The following SH3RF2 variants were observed in gnomAD, a reference collection of about 807,000 sequenced individuals.
SH3RF2 encodes the protein SH3 domain containing ring finger 2.
SH3RF2 carries 43 observed loss-of-function variants against 59.0 expected under a neutral mutation model. That is an observed-to-expected ratio of 0.73 (90% CI 0.57 to 0.94). SH3RF2 has a LOEUF of 0.94. SH3RF2 is among the 40% of genes least tolerant of loss of function. The pLI is 0.00. For missense variants in SH3RF2, 930 were observed against 940.1 expected (o/e 0.99, Z 0.14); for synonymous variants, 391 against 391.5 (o/e 1.00, Z 0.01).
chr5:146,003,971 C>A, intron 3 of SH3RF2, 87 bp from the exon 4 acceptor site: 4 of 1,059,276 alleles, frequency 3.8e-6, no homozygotes, highest in South Asian at 3.0e-5. Context: ...CACTTTACAC[C>A]ATCTGAGACT....
chr5:146,002,046 C>G (rs1261713930), intron 3 of SH3RF2, among the ~76,000 whole-genome samples: 1 of 152,162 alleles, frequency 6.6e-6, no homozygotes, highest in Non-Finnish European at 1.5e-5. Context: ...TATTGGCTGA[C>G]TACTAAAAGG....
intron 2 of SH3RF2, among the ~76,000 whole-genome samples, chr5:145,988,704 C>T (rs1162122090): frequency 3.3e-5 from 5 of 152,092 alleles, no homozygotes; most frequent in South Asian, 4.2e-4. Context: ...ATCTGAATGT[C>T]GGATTTAGGG....
chr5:145,960,138 C>T (rs1758577906), intron 2 of SH3RF2, among the ~76,000 whole-genome samples: 1 of 152,194 alleles, frequency 6.6e-6, no homozygotes, highest in African/African-American at 2.4e-5. Flanking sequence ...CTGCAGCCTC[C>T]AGCTCCTGGG....
At chr5:146,054,200 C>T (rs248779) in intron 7 of SH3RF2, among the ~76,000 whole-genome samples, 42,713 of 152,048 alleles carry the variant, frequency 0.28, 7,595 homozygotes, top group Non-Finnish European at 0.38. Flanking sequence ...CATAGAGGCA[C>T]TCAGTGTTGG....
chr5:146,070,330 G>T (rs553827474), intron 9 of SH3RF2, among the ~76,000 whole-genome samples: 1 of 152,284 alleles, frequency 6.6e-6, no homozygotes, highest in South Asian at 2.1e-4. Flanking sequence ...AGGAGGGTTT[G>T]TCTCACAGGG....
At chr5:145,958,465 C>G (rs748626557) in intron 2 of SH3RF2, among the ~76,000 whole-genome samples, 18 of 152,180 alleles carry the variant, frequency 1.2e-4, no homozygotes, top group Admixed American at 3.9e-4. Flanking sequence ...TCTCATGACT[C>G]TGCTTGAGGC....
chr5:145,965,572 CA>C (rs1438195859), intron 2 of SH3RF2, among the ~76,000 whole-genome samples: 17 of 152,232 alleles, frequency 1.1e-4, no homozygotes, highest in Non-Finnish European at 2.4e-4. Flanking sequence ...GCCTTTTGCA[CA>C]GAGAGTATTA....
rs1371009003 is a variant in SH3RF2, at chr5:146,017,274, A to G, written c.1059+3213A>G. ...GGAGGAAGTTAAGTGGGTGGATTGA[A>G]ACCAATGCAGCTGGCCTCTGGGAGA... On this transcript the variant is annotated intron_variant, in intron 5 of 9. Coordinates refer to ENST00000359120, the MANE Select transcript of SH3RF2 (RefSeq NM_152550.4). Among the ~76,000 whole-genome samples, 7 of 152,194 alleles carry G rather than the reference A, an allele frequency of 4.6e-5. No homozygotes were observed. In the East Asian group the frequency reaches 1.3e-3, roughly 29 times the overall value.
chr5:145,972,824 C>A (rs192876973), intron 2 of SH3RF2, among the ~76,000 whole-genome samples: 4 of 152,202 alleles, frequency 2.6e-5, no homozygotes, highest in Admixed American at 1.3e-4. Context: ...CCTTGTAGAG[C>A]TGGGCTGGCA....
chr5:146,075,979 T>A lies in SH3RF2; in HGVS notation c.*34-2481T>A, dbSNP rs145103107. On this transcript the variant is annotated intron_variant, in intron 9 of 9. Coordinates refer to the SH3RF2 transcript ENST00000511217. ...GCTAATAAGGGCTGCTACTTCATAC[T>A]GCACAATGCCTGCCTAGGAAAAGTC... Among the ~76,000 whole-genome samples, 173 of 152,256 alleles carry A rather than the reference T, an allele frequency of 1.1e-3. 1 individual carries two copies. The highest frequency in any genetic ancestry group is 0.01 in the Middle Eastern group (3 of 294).
At chr5:146,054,486 G>A (rs1038698037) in intron 7 of SH3RF2, among the ~76,000 whole-genome samples, 3 of 152,178 alleles carry the variant, frequency 2.0e-5, no homozygotes, top group Non-Finnish European at 4.4e-5. Flanking sequence ...CTCTGGCATG[G>A]AAGCCAATGC....
intron 9 of SH3RF2, among the ~76,000 whole-genome samples, chr5:146,077,183 C>T (rs571016452): frequency 7.2e-5 from 11 of 152,178 alleles, no homozygotes; most frequent in African/African-American, 2.2e-4. Context: ...AATCAAACCA[C>T]CTGCCCTCCC....
At chr5:145,981,839 A>T (rs191049919) in intron 2 of SH3RF2, among the ~76,000 whole-genome samples, 2 of 152,320 alleles carry the variant, frequency 1.3e-5, no homozygotes, top group Non-Finnish European at 2.9e-5. Flanking sequence ...ATAGAATAGC[A>T]CATTTCCACC....
intron 2 of SH3RF2, among the ~76,000 whole-genome samples, chr5:145,980,084 T>C (rs1363015265): frequency 6.6e-6 from 1 of 152,168 alleles, no homozygotes; most frequent in East Asian, 1.9e-4. Context: ...ACTTTGGAAG[T>C]AGGGATGAAC....
intron 3 of SH3RF2, among the ~76,000 whole-genome samples, chr5:146,003,339 C>G (rs1177527392): frequency 6.6e-6 from 1 of 152,158 alleles, no homozygotes; most frequent in South Asian, 2.1e-4. Context: ...TTCATCTGAA[C>G]AGGGATTTCA....
At chr5:146,007,233 A>G (rs1186260320) in intron 4 of SH3RF2, among the ~76,000 whole-genome samples, 1 of 152,212 alleles carries the variant, frequency 6.6e-6, no homozygotes, top group African/African-American at 2.4e-5. Context: ...GAGGAGGGAG[A>G]AAAAAGCAGA....
chr5:145,973,961 C>T (rs1332445089), intron 2 of SH3RF2, among the ~76,000 whole-genome samples: 3 of 152,208 alleles, frequency 2.0e-5, no homozygotes, highest in Non-Finnish European at 4.4e-5. Context: ...CACTTATTAT[C>T]TCACAGGTTC....
chr5:145,982,041 C>T (rs1455812575), intron 2 of SH3RF2, among the ~76,000 whole-genome samples: 1 of 152,166 alleles, frequency 6.6e-6, no homozygotes, highest in Non-Finnish European at 1.5e-5. Flanking sequence ...CTACTTCTGC[C>T]TGTTTTAAGT....
chr5:146,053,591 C>A (rs768626129), intron 7 of SH3RF2, among the ~76,000 whole-genome samples: 1 of 152,130 alleles, frequency 6.6e-6, no homozygotes, highest in Non-Finnish European at 1.5e-5. Flanking sequence ...GAAGACCACT[C>A]GATGTGAGAA....
Sources: gnomAD v4.1 joint callset for allele counts (sites outside exome capture counted in the v4.1 genomes callset) on GRCh38, gnomAD v4.1.1 for gene constraint, MANE v1.5 for transcripts, NCBI Gene and HGNC (gene_info 2026-07-23, HGNC 2026-07-21) for gene names.